The following CCDC192 variants were observed in gnomAD, a reference collection of about 807,000 sequenced individuals.
The protein encoded by CCDC192 is coiled-coil domain-containing protein 192.
intron 6 of CCDC192, among the ~76,000 whole-genome samples, chr5:127,893,777 A>G (rs563831350): frequency 6.6e-6 from 1 of 152,214 alleles, no homozygotes; most frequent in East Asian, 1.9e-4. Context: ...CGGGGTGTCA[A>G]TGTTGCATAT....
chr5:127,740,966 T>C (rs1363499080), intron 2 of CCDC192, among the ~76,000 whole-genome samples: 2 of 152,172 alleles, frequency 1.3e-5, no homozygotes, highest in African/African-American at 4.8e-5. Context: ...AAAAGTACCA[T>C]CTTTTCAAAT....
At chr5:127,772,189 A>C (rs1353314346) in intron 3 of CCDC192, among the ~76,000 whole-genome samples, 1 of 152,164 alleles carries the variant, frequency 6.6e-6, no homozygotes, top group Non-Finnish European at 1.5e-5. Flanking sequence ...GGCCAGGTGC[A>C]GTGGCTCACA....
At chr5:127,754,496 C>T (rs866004019) in intron 3 of CCDC192, 121 bp downstream of exon 3, 142 of 211,652 alleles carry the variant, frequency 6.7e-4, no homozygotes, top group African/African-American at 7.8e-4. Context: ...CACACACATA[C>T]ACACACACAC....
At chr5:127,937,121 G>A (rs182334053) in intron 6 of CCDC192, among the ~76,000 whole-genome samples, 69 of 152,344 alleles carry the variant, frequency 4.5e-4, no homozygotes, top group African/African-American at 1.7e-3. Flanking sequence ...TGTTTTATAT[G>A]TGTAAAGAGA....
At chr5:127,913,273 A>G (rs1753427001) in intron 6 of CCDC192, among the ~76,000 whole-genome samples, 1 of 152,218 alleles carries the variant, frequency 6.6e-6, no homozygotes, top group African/African-American at 2.4e-5. Flanking sequence ...TCAAATGCAG[A>G]TGCCACTTTA....
intron 6 of CCDC192, among the ~76,000 whole-genome samples, chr5:127,922,946 G>A (rs1168657360): frequency 2.6e-5 from 4 of 152,202 alleles, no homozygotes; most frequent in African/African-American, 4.8e-5. Context: ...ACACTAGACA[G>A]AAAAGAGAAT....
At chr5:127,749,347 C>T (rs200731919) in intron 2 of CCDC192, among the ~76,000 whole-genome samples, 1 of 152,084 alleles carries the variant, frequency 6.6e-6, no homozygotes, top group Non-Finnish European at 1.5e-5. Flanking sequence ...TGTCAAAGGC[C>T]TTTTCTGCAT....
At chr5:127,764,342 A>T (rs1284045096) in intron 3 of CCDC192, among the ~76,000 whole-genome samples, 1 of 152,206 alleles carries the variant, frequency 6.6e-6, no homozygotes, top group Non-Finnish European at 1.5e-5. Flanking sequence ...GACAGAGACA[A>T]GATATATTTA....
At position 127,843,777 on chromosome 5, in the gene CCDC192, A is replaced by G. The variant is rs1489737559; in HGVS notation, c.412-31761A>G. ...TGACTTAGCCAGAGGCAAGAAATAC[A>G]TTACCAGATCCTACCCAAGGTCTGC... On this transcript the variant is annotated intron_variant, in intron 5 of 6. Coordinates refer to ENST00000514853, the MANE Select transcript of CCDC192 (RefSeq NM_001317938.2). Among the ~76,000 whole-genome samples, 8 of 152,286 alleles carry G rather than the reference A, an allele frequency of 5.3e-5. No individual in the cohort carries two copies. The East Asian group carries it at 9.7e-4, about 18-fold the overall frequency.
intron 2 of CCDC192, among the ~76,000 whole-genome samples, chr5:127,752,709 AG>A (rs1485805864): frequency 1.3e-5 from 2 of 151,856 alleles, no homozygotes; most frequent in Non-Finnish European, 2.9e-5. Context: ...CCCCTCCCCC[AG>A]CCTCGCTGCC....
chr5:127,784,106 G>A (rs1447538483), intron 3 of CCDC192, among the ~76,000 whole-genome samples: 1 of 152,136 alleles, frequency 6.6e-6, no homozygotes, highest in Non-Finnish European at 1.5e-5. Flanking sequence ...TCTTTTAAGT[G>A]GAGCAATATG....
intron 2 of CCDC192, among the ~76,000 whole-genome samples, chr5:127,713,348 C>T (rs1751445950): frequency 6.6e-6 from 1 of 152,110 alleles, no homozygotes. Flanking sequence ...TGCTTATTTG[C>T]CATCCTTCAA....
intron 3 of CCDC192, among the ~76,000 whole-genome samples, chr5:127,759,554 G>A (rs773948931): frequency 6.6e-6 from 1 of 152,154 alleles, no homozygotes; most frequent in Non-Finnish European, 1.5e-5. Flanking sequence ...TTTGAAGAAA[G>A]AAAGAAATTC....
chr5:127,935,141 C>G (rs1436895368), intron 6 of CCDC192: 1 of 152,196 alleles, frequency 6.6e-6, no homozygotes. Flanking sequence ...AGGCTAATCC[C>G]AAATGCCCTT....
At chr5:127,905,738 C>G (rs1321563582) in intron 6 of CCDC192, among the ~76,000 whole-genome samples, 1 of 152,104 alleles carries the variant, frequency 6.6e-6, no homozygotes, top group African/African-American at 2.4e-5. Context: ...AAAGCATAGT[C>G]TATTTTAAGT....
chr5:127,902,494 A>C (rs1296144615), intron 6 of CCDC192, among the ~76,000 whole-genome samples: 1 of 152,170 alleles, frequency 6.6e-6, no homozygotes, highest in Non-Finnish European at 1.5e-5. Context: ...CTCTTTAACT[A>C]ACATAAACGT....
At chr5:127,883,007 C>T (rs1383113619) in intron 6 of CCDC192, among the ~76,000 whole-genome samples, 10 of 152,186 alleles carry the variant, frequency 6.6e-5, no homozygotes, top group Non-Finnish European at 1.3e-4. Flanking sequence ...AAGAAAGTAA[C>T]TAGTCTGGTC....
chr5:127,865,697 T>G (rs1751579200), intron 5 of CCDC192, among the ~76,000 whole-genome samples: 2 of 150,620 alleles, frequency 1.3e-5, no homozygotes, highest in Non-Finnish European at 3.0e-5. Context: ...ATTGTATGAA[T>G]GTGGACAGAA....
At chr5:127,927,155 T>G (rs1444856303) in intron 6 of CCDC192, among the ~76,000 whole-genome samples, 1 of 152,214 alleles carries the variant, frequency 6.6e-6, no homozygotes, top group African/African-American at 2.4e-5. Flanking sequence ...ATGGTTTTGC[T>G]TTCTTCAGTT....
Sources: allele counts gnomAD v4.1 joint callset (sites outside exome capture counted in the v4.1 genomes callset), GRCh38; gene constraint gnomAD v4.1.1; transcripts MANE v1.5; gene names NCBI Gene and HGNC (gene_info 2026-07-23, HGNC 2026-07-21).